The following ARID3A variants were observed in gnomAD, a reference collection of about 807,000 sequenced individuals.
ARID3A encodes AT-rich interaction domain 3A.
A neutral mutation model predicts 52.7 loss-of-function variants in ARID3A; 11 were observed. The ratio of observed to expected loss-of-function variants is 0.21; its 90% confidence interval spans 0.13 to 0.35. The LOEUF is 0.35. Ranked by LOEUF, ARID3A falls within the 10% of genes least tolerant of loss-of-function variation. The pLI is 1.00. For synonymous variants in ARID3A, 404 were observed against 359.4 expected (o/e 1.12, Z -1.40); for missense variants, 721 against 838.5 (o/e 0.86, Z 1.73).
intron 1 of ARID3A, among the ~76,000 whole-genome samples, chr19:927,398 G>A (rs2037224361): frequency 6.6e-6 from 1 of 151,946 alleles, no homozygotes; most frequent in Non-Finnish European, 1.5e-5. Context: ...ACCTAGGGGG[G>A]AATCTGGGAT....
intron 2 of ARID3A, among the ~76,000 whole-genome samples, chr19:930,565 A>C (rs182748300): frequency 6.9e-6 from 1 of 144,954 alleles, no homozygotes; most frequent in Non-Finnish European, 1.5e-5. Context: ...GCTGGAGTGC[A>C]GTGGCGTGAT....
In ARID3A at chr19:974,635, C is replaced by T. The variant is rs2038343880; in HGVS notation, c.*2570C>T. The T allele has an allele frequency of 8.7e-6, 2 of 229,772 alleles. No individual in the cohort carries two copies. Among genetic ancestry groups the T allele is most frequent in the Non-Finnish European group, 1.7e-5 (2 of 116,006 alleles). The allele number at this position is 229,772 out of a possible 1,614,324, so 14.2% of individuals were successfully genotyped here. ...GCCACTGGGGCCTGGCTGCCTGCTGCATCTGGCGGCCCTGGACCCCTGGGG... is the reference window on the plus strand; with the variant it reads ...GCCACTGGGGCCTGGCTGCCTGCTGTATCTGGCGGCCCTGGACCCCTGGGG... On this transcript the variant is annotated 3_prime_UTR_variant, in exon 9 of 9. Transcript: ENST00000263620.
Position 929,712 on chromosome 19 carries a change from C to T in ARID3A, c.184C>T (p.Leu62=). The stretch of plus-strand genomic sequence containing the variant: ...GATGCAGCGGGCTCAGATGGCCGCA[C>T]TGGCAGCCATGCGGGCTGCAGCTGC... ...ARMQRAQMAA[L]AAMRAAAAGL... The change falls in exon 2 of 9, where the codon CTG becomes TTG. Residue 62 remains leucine (L), a synonymous_variant. Transcript: ENST00000263620. The surrounding 1 kb of genome is among the most constrained non-coding windows in gnomAD (Gnocchi z 6.2). 1 of 1,564,992 alleles carries T rather than the reference C, an allele frequency of 6.4e-7. No homozygotes were observed. Among genetic ancestry groups the T allele is most frequent in the Non-Finnish European group, 8.6e-7 (1 of 1,163,582 alleles).
intron 3 of ARID3A, among the ~76,000 whole-genome samples, chr19:945,160 G>T (rs964965964): frequency 6.6e-6 from 1 of 152,188 alleles, no homozygotes; most frequent in African/African-American, 2.4e-5. Flanking sequence ...AATGCCACCT[G>T]GGGGGAGAGA....
Position 972,697 on chromosome 19 carries a change from T to G in ARID3A, c.*632T>G, listed in dbSNP as rs2038304034. The G allele has an allele frequency of 4.7e-6, 1 of 215,050 alleles. No homozygotes were observed. Among genetic ancestry groups the G allele is most frequent in the Non-Finnish European group, 9.4e-6 (1 of 106,910 alleles). The allele number at this position is 215,050 out of a possible 1,614,324, so 13.3% of individuals were successfully genotyped here. A position where few individuals can be genotyped will look rare whatever the true frequency, so the allele number is the denominator to read the frequency against. On this transcript the variant is annotated 3_prime_UTR_variant, in exon 9 of 9. Coordinates refer to ENST00000263620, the MANE Select transcript of ARID3A (RefSeq NM_005224.3). ...TTGTTGTGTAAATATTCTATTTTAT[T>G]CTTGGGGGGATCAAACCTTAGGAAA... is the stretch of plus-strand genomic sequence containing the variant.
intron 2 of ARID3A, among the ~76,000 whole-genome samples, chr19:930,608 C>T (rs1002765550): frequency 4.7e-5 from 7 of 149,626 alleles, no homozygotes; most frequent in African/African-American, 1.7e-4. Flanking sequence ...CTCCCGGGTT[C>T]ACACCATTCT....
rs764193402 is a variant in ARID3A, at chr19:973,919, C to T, written c.*1854C>T. The T allele has an allele frequency of 2.2e-5, 5 of 230,606 alleles. No individual in the cohort carries two copies. Among genetic ancestry groups the T allele is most frequent in the East Asian group, 6.1e-5 (1 of 16,310 alleles). The allele number at this position is 230,606 out of a possible 1,614,324, so 14.3% of individuals were successfully genotyped here. ...GGGTCTGGGGACTTCGTTGGACCCG[C>T]GTGGTGTTGGGCGGGGCTGTCGTGT... On this transcript the variant is annotated 3_prime_UTR_variant, in exon 9 of 9. Coordinates refer to ENST00000263620, the MANE Select transcript of ARID3A (RefSeq NM_005224.3).
chr19:931,595 G>C lies in ARID3A; in HGVS notation c.369-823G>C, dbSNP rs181474290. On this transcript the variant is annotated intron_variant, in intron 2 of 8. Transcript: ENST00000263620. ...TGGGAGGCCGAGGTGGGCGGATCACGAGGTCAGGAGATCGAGACCATCCTG... is the reference window on the plus strand; with the variant it reads ...TGGGAGGCCGAGGTGGGCGGATCACCAGGTCAGGAGATCGAGACCATCCTG... Among the ~76,000 whole-genome samples, 2 of 152,182 alleles carry C rather than the reference G, an allele frequency of 1.3e-5. 1 individual carries two copies. Among genetic ancestry groups the C allele is most frequent in the South Asian group, 4.1e-4 (2 of 4,822 alleles).
At chr19:971,449 T>TA (rs1389639837) in intron 8 of ARID3A, among the ~76,000 whole-genome samples, 1 of 152,026 alleles carries the variant, frequency 6.6e-6, no homozygotes, top group Non-Finnish European at 1.5e-5. Flanking sequence ...CCGTCTGTAC[T>TA]AAAAATAAAA....
In ARID3A at chr19:947,890, T is replaced by TGCATCCGCC. The variant is rs1170177947; in HGVS notation, c.694-12200_694-12192dup. 6.6e-6 allele frequency among the ~76,000 whole-genome samples: 1 copy of TGCATCCGCC among 152,168 alleles called. No individual in the cohort carries two copies. Among genetic ancestry groups the TGCATCCGCC allele is most frequent in the Non-Finnish European group, 1.5e-5 (1 of 68,026 alleles). On this transcript the variant is annotated intron_variant, in intron 3 of 8. Transcript: ENST00000263620. The surrounding 1 kb of genome is among the most constrained non-coding windows in gnomAD (Gnocchi z 6.3). ...CACGCCCGGCGGGGCTCTCAGCATCTGCATCCGCCGAGGCCTGGCTGTGCT... is the reference window on the plus strand; with the variant it reads ...CACGCCCGGCGGGGCTCTCAGCATCTGCATCCGCCGCATCCGCCGAGGCCTGGCTGTGCT...
Position 959,077 on chromosome 19 carries a change from G to GTGAC in ARID3A, c.694-1013_694-1010dup, listed in dbSNP as rs1380770272. Among the ~76,000 whole-genome samples the GTGAC allele has an allele frequency of 6.6e-6, 1 of 152,160 alleles. No homozygotes were observed. The highest frequency in any genetic ancestry group is 1.5e-5 in the Non-Finnish European group (1 of 68,038). ...GGGAGGCTCCACCCGTGAGGTGTGT[G>GTGAC]TGACTCACTGTTTGATGTTCACACT... On this transcript the variant is annotated intron_variant, in intron 3 of 8. Transcript: ENST00000263620. The surrounding 1 kb of genome is among the most constrained non-coding windows in gnomAD (Gnocchi z 5.0).
At chr19:936,226 A>G (rs960725343) in intron 3 of ARID3A, among the ~76,000 whole-genome samples, 1 of 152,274 alleles carries the variant, frequency 6.6e-6, no homozygotes, top group Admixed American at 6.5e-5. Flanking sequence ...TTATTGGGCT[A>G]TACTTCATAT....
At chr19:962,108 G>C (rs2238584) in intron 4 of ARID3A, among the ~76,000 whole-genome samples, 104,967 of 152,010 alleles carry the variant, frequency 0.69, 36,908 homozygotes, top group Middle Eastern at 0.79. Flanking sequence ...CTCTTCCTTG[G>C]CTTCCTCCAG....
rs200120532 is a variant in ARID3A, at chr19:975,736, G to GAAAAAAAA, written c.*3679_*3686dup. 6.7e-5 allele frequency: 6 copies of GAAAAAAAA among 89,400 alleles called. No homozygotes were observed. Among genetic ancestry groups the GAAAAAAAA allele is most frequent in the Admixed American group, 1.4e-4 (1 of 7,016 alleles). The allele number at this position is 89,400 out of a possible 1,614,324, so 5.5% of individuals were successfully genotyped here. Reference sequence around the variant, plus strand: ...TCGCAGAACATTCAGGTATTAAAAGGAAAAAAAAAAAAAAAGACAAAAAGA... The same window carrying GAAAAAAAA: ...TCGCAGAACATTCAGGTATTAAAAGGAAAAAAAAAAAAAAAAAAAAAAAGACAAAAAGA... On this transcript the variant is annotated 3_prime_UTR_variant, in exon 9 of 9. Transcript: ENST00000263620.
rs940030840 is a variant in ARID3A, at chr19:959,981, G to C, written c.694-111G>C. ...CTGGCAGCGGCTTGAGGGTCCTAGG[G>C]GTGGTGACCCCTGCTCCTGTCCTCC... On this transcript the variant is annotated intron_variant, in intron 3 of 8. Coordinates refer to ENST00000263620, the MANE Select transcript of ARID3A (RefSeq NM_005224.3). The surrounding 1 kb of genome is among the most constrained non-coding windows in gnomAD (Gnocchi z 5.0). 3.5e-6 allele frequency: 3 copies of C among 859,838 alleles called. No homozygotes were observed. Among genetic ancestry groups the C allele is most frequent in the Non-Finnish European group, 5.3e-6 (3 of 565,010 alleles). 53.3% of individuals were successfully genotyped at this position (859,838 alleles called of 1,614,324 possible).
chr19:970,244 C>T (rs1040928123), intron 8 of ARID3A, among the ~76,000 whole-genome samples: 5 of 151,476 alleles, frequency 3.3e-5, no homozygotes, highest in South Asian at 2.1e-4. Flanking sequence ...ACCCGGGAGG[C>T]GAAGGTTGCA....
rs539725261 is a variant in ARID3A at position 973,004 on chromosome 19, G to A, written c.*939G>A. On this transcript the variant is annotated 3_prime_UTR_variant, in exon 9 of 9. Transcript: ENST00000263620. The stretch of plus-strand genomic sequence containing the variant: ...AGAGGGTGCATGCTGGGGTCCCACC[G>A]GCCAGGGGCCCCTGACAGTGAATTG... 23 of 202,360 alleles carry A rather than the reference G, an allele frequency of 1.1e-4. No individual in the cohort carries two copies. The highest frequency in any genetic ancestry group is 1.6e-4 in the Non-Finnish European group (16 of 98,620). 12.5% of individuals were successfully genotyped at this position (202,360 alleles called of 1,614,324 possible). A position where few individuals can be genotyped will look rare whatever the true frequency, so the allele number is the denominator to read the frequency against.
At position 960,184 on chromosome 19, in the gene ARID3A, C is replaced by A. The variant is rs762486232; in HGVS notation, c.766+20C>A. 4.4e-6 allele frequency: 7 copies of A among 1,600,690 alleles called. No individual in the cohort carries two copies. The highest frequency in any genetic ancestry group is 2.3e-5 in the East Asian group (1 of 44,114). On this transcript the variant is annotated intron_variant, in intron 4 of 8. Transcript: ENST00000263620. The surrounding 1 kb of genome is among the most constrained non-coding windows in gnomAD (Gnocchi z 4.3). Reference sequence around the variant, plus strand: ...AGCGAGGTGAGCCCTCTGCCCCCACCCCGCTGGAGGGAGGTCACAGAAACA... The same window carrying A: ...AGCGAGGTGAGCCCTCTGCCCCCACACCGCTGGAGGGAGGTCACAGAAACA...
At position 968,352 on chromosome 19, in the gene ARID3A, CTG is replaced by C. The variant is rs113087955; in HGVS notation, c.1496-51_1496-50del. ...CCAGCCTGGGCAACAGAGCAAGACT[CTG>C]TCTCAAAAAAAAAAAGAAAAAAAGA... is the stretch of plus-strand genomic sequence containing the variant. On this transcript the variant is annotated intron_variant, in intron 7 of 8. Transcript: ENST00000263620. The C allele has an allele frequency of 2.3e-3, 3,559 of 1,520,432 alleles. 75 individuals carry two copies. The African/African-American group carries it at 0.043, about 19-fold the overall frequency. The allele number at this position is 1,520,432 out of a possible 1,614,324, so 94.2% of individuals were successfully genotyped here. A position where few individuals can be genotyped will look rare whatever the true frequency, so the allele number is the denominator to read the frequency against.
Sources: allele counts gnomAD v4.1 joint callset (sites outside exome capture counted in the v4.1 genomes callset), GRCh38; gene constraint gnomAD v4.1.1; non-coding constraint Gnocchi (gnomAD v3.1); transcripts MANE v1.5; gene names NCBI Gene and HGNC (gene_info 2026-07-23, HGNC 2026-07-21).